The following PARD3 variants were observed in gnomAD, a reference collection of about 807,000 sequenced individuals.
PARD3 encodes the protein par-3 family cell polarity regulator.
A neutral mutation model predicts 155.4 loss-of-function variants in PARD3; 75 were observed. The ratio of observed to expected loss-of-function variants is 0.48; its 90% CI spans 0.40 to 0.58. The LOEUF is 0.58. PARD3 is among the 20% of genes least tolerant of loss of function. PARD3 has a pLI of 0.00. For synonymous variants in PARD3, 576 were observed against 610.5 expected, an observed-to-expected ratio of 0.94 and a Z score of 0.83; for missense variants, 1,642 against 1,721.7, an observed-to-expected ratio of 0.95 and a Z score of 0.82.
rs766274213 is a variant in PARD3 at position 34,269,751 on chromosome 10, C to G, written c.3325G>C (p.Ala1109Pro). The change falls in exon 22 of 25, where the codon GCT (alanine) becomes CCT (proline). Residue 1109 changes from alanine (A) to proline (P), a missense_variant. By Grantham distance (27) the Ala-to-Pro change is conservative (BLOSUM62 -1). Transcript: ENST00000374788. Reference sequence around the variant, plus strand: ...CCTTCTCGTGGGCTCTGAGGTCTAGCGTTGAGAGCCATGGAACCTTCATAA... The same window carrying G: ...CCTTCTCGTGGGCTCTGAGGTCTAGGGTTGAGAGCCATGGAACCTTCATAA... ...SSYEGSMALN[A>P]RPQSPREGHM... The G allele has an allele frequency of 6.2e-7, 1 of 1,613,910 alleles. No homozygotes were observed. Among genetic ancestry groups the G allele is most frequent in the Non-Finnish European group, 8.5e-7 (1 of 1,179,890 alleles).
intron 22 of PARD3, among the ~76,000 whole-genome samples, chr10:34,177,341 C>CT (rs1270124917): frequency 6.6e-6 from 1 of 152,098 alleles, no homozygotes; most frequent in African/African-American, 2.4e-5. Flanking sequence ...AGCTCCTGTG[C>CT]TATTATTTTT....
Position 34,670,871 on chromosome 10 carries a change from G to A in PARD3, c.222+25447C>T, listed in dbSNP as rs1372984160. Among the ~76,000 whole-genome samples, 6 of 152,262 alleles carry A rather than the reference G, an allele frequency of 3.9e-5. No homozygotes were observed. The East Asian group carries it at 1.2e-3, about 29-fold the overall frequency. Reference sequence around the variant, plus strand: ...AAGGAACTTGGATCATCATCAACCTGAAGTTGTGTGTACCTGAACCTCCCA... The same window carrying A: ...AAGGAACTTGGATCATCATCAACCTAAAGTTGTGTGTACCTGAACCTCCCA... On this transcript the variant is annotated intron_variant, in intron 2 of 24. Transcript: ENST00000374788.
At chr10:34,369,576 A>G (rs1234428290) in intron 12 of PARD3, among the ~76,000 whole-genome samples, 1 of 152,230 alleles carries the variant, frequency 6.6e-6, no homozygotes, top group Non-Finnish European at 1.5e-5. Context: ...TAAGCATTAG[A>G]GGTGAAAGAA....
rs567481379 is a variant in PARD3 at position 34,314,461 on chromosome 10, T to G, written c.3065+2646A>C. 2.0e-5 allele frequency among the ~76,000 whole-genome samples: 3 copies of G among 152,298 alleles called. No homozygotes were observed. In the East Asian group the frequency reaches 5.8e-4, roughly 29 times the overall value. On this transcript the variant is annotated intron_variant, in intron 20 of 24. Transcript: ENST00000374788. ...CAAGGGGCAATATGTGGCAACCCAT[T>G]GGGAAAGGGCTGGCGCAGTGGTTTG...
At chr10:34,421,180 AC>A (rs1846150642) in intron 5 of PARD3, among the ~76,000 whole-genome samples, 1 of 152,112 alleles carries the variant, frequency 6.6e-6, no homozygotes. Flanking sequence ...TCAAAACAAA[AC>A]AAAAATGAAA....
chr10:34,779,534 T>C (rs1190945551), intron 1 of PARD3, among the ~76,000 whole-genome samples: 1 of 151,608 alleles, frequency 6.6e-6, no homozygotes, highest in African/African-American at 2.4e-5. Flanking sequence ...GGCAGAAGAA[T>C]GGCATGAACC....
chr10:34,779,298 T>G (rs1449907445), intron 1 of PARD3, among the ~76,000 whole-genome samples: 1 of 149,920 alleles, frequency 6.7e-6, no homozygotes, highest in Non-Finnish European at 1.5e-5. Context: ...AGAGCTAGAC[T>G]CCATCTCAAA....
chr10:34,338,411 T>C (rs978191590), intron 16 of PARD3, among the ~76,000 whole-genome samples: 5 of 152,190 alleles, frequency 3.3e-5, no homozygotes, highest in African/African-American at 7.2e-5. Flanking sequence ...GCTGGGCACA[T>C]TGGGTAAGTA....
At chr10:34,276,390 C>G (rs1030217966) in intron 21 of PARD3, among the ~76,000 whole-genome samples, 37 of 152,112 alleles carry the variant, frequency 2.4e-4, no homozygotes, top group African/African-American at 8.4e-4. Flanking sequence ...TGCTAACAGT[C>G]TCTCTTCAGC....
chr10:34,773,295 C>T (rs1417253747), intron 1 of PARD3, among the ~76,000 whole-genome samples: 1 of 152,092 alleles, frequency 6.6e-6, no homozygotes, highest in Non-Finnish European at 1.5e-5. Context: ...TTTCACTTGG[C>T]CTAGTACAAG....
At chr10:34,511,881 A>G (rs1047434847) in intron 3 of PARD3, among the ~76,000 whole-genome samples, 4 of 152,230 alleles carry the variant, frequency 2.6e-5, no homozygotes, top group Non-Finnish European at 5.9e-5. Context: ...ACACACCACC[A>G]TGCCCACCTA....
rs140136315 is a variant in PARD3, at chr10:34,689,168, A to G, written c.222+7150T>C. On this transcript the variant is annotated intron_variant, in intron 2 of 24. Transcript: ENST00000374788. ...CTTGTTCTTTTTTCCTTAAACCAAA[A>G]AGCAAAACAAGTGTCAAAATCCTTA... is the stretch of plus-strand genomic sequence containing the variant. Among the ~76,000 whole-genome samples the G allele has an allele frequency of 6.8e-3, 1,037 of 152,352 alleles. 14 individuals are homozygous for G. Among genetic ancestry groups the G allele is most frequent in the African/African-American group, 0.023 (949 of 41,572 alleles).
intron 2 of PARD3, among the ~76,000 whole-genome samples, chr10:34,546,572 G>A (rs55715783): frequency 7.3e-5 from 11 of 151,080 alleles, no homozygotes; most frequent in Non-Finnish European, 1.6e-4. Context: ...GAGTCTCACT[G>A]TCACCCGGGC....
chr10:34,421,029 G>T (rs1420251809), intron 5 of PARD3, among the ~76,000 whole-genome samples: 1 of 152,062 alleles, frequency 6.6e-6, no homozygotes, highest in Non-Finnish European at 1.5e-5. Flanking sequence ...AAAAAAATCA[G>T]CCAAGCATGG....
intron 20 of PARD3, among the ~76,000 whole-genome samples, chr10:34,291,578 T>C (rs1380438460): frequency 1.3e-5 from 2 of 152,200 alleles, no homozygotes; most frequent in Non-Finnish European, 2.9e-5. Context: ...GAAACCTCAG[T>C]AAGCACAGGG....
intron 20 of PARD3, among the ~76,000 whole-genome samples, chr10:34,289,433 AC>A (rs1311103065): frequency 4.6e-5 from 7 of 151,898 alleles, no homozygotes; most frequent in Non-Finnish European, 7.4e-5. Flanking sequence ...CAAGGGATCC[AC>A]CCGCACCAGA....
chr10:34,415,717 GACACAGCTTGGGGTGC>G (rs1257605210), intron 5 of PARD3, among the ~76,000 whole-genome samples: 1 of 152,140 alleles, frequency 6.6e-6, no homozygotes, highest in Non-Finnish European at 1.5e-5. Context: ...ACTTGGAGGG[GACACAGCTTGGGGTGC>G]AGTGTATAGG....
At chr10:34,409,022 G>T (rs115406381) in intron 5 of PARD3, among the ~76,000 whole-genome samples, 1 of 151,948 alleles carries the variant, frequency 6.6e-6, no homozygotes, top group African/African-American at 2.4e-5. Flanking sequence ...ATTATTCAGC[G>T]CCTGTGATGT....
At chr10:34,379,527 T>A (rs1438502882) in intron 9 of PARD3, among the ~76,000 whole-genome samples, 1 of 152,162 alleles carries the variant, frequency 6.6e-6, no homozygotes, top group Admixed American at 6.5e-5. Flanking sequence ...CAATAACATT[T>A]ATTAAGAAAG....
Sources: allele counts gnomAD v4.1 joint callset (sites outside exome capture counted in the v4.1 genomes callset), GRCh38; gene constraint gnomAD v4.1.1; transcripts MANE v1.5; gene names NCBI Gene and HGNC (gene_info 2026-07-23, HGNC 2026-07-21).